Variants in NDUFAF5 observed in about 807,000 individuals in gnomAD.
NDUFAF5 encodes the protein arginine-hydroxylase NDUFAF5, mitochondrial.
Under a neutral mutation model 48.9 loss-of-function variants are expected in NDUFAF5, and 34 were observed. That is an observed-to-expected ratio of 0.70 (90% CI 0.53 to 0.93). The LOEUF (loss-of-function observed/expected upper bound fraction) is 0.93, where lower values mean the gene tolerates loss of function less well. Among genes scored for constraint, NDUFAF5 ranks in the 40% least tolerant of loss-of-function variants. The probability of loss-of-function intolerance (pLI) is 0.00; values close to 1 mark genes in which losing one functional copy is unlikely to be tolerated. For synonymous variants in NDUFAF5, 153 were observed against 150.6 expected (o/e 1.02, Z -0.12); for missense variants, 428 against 427.5 (o/e 1.00, Z -0.01).
chr20:13,793,333 TG>T, intron 4 of NDUFAF5, 106 bp downstream of exon 4: 1 of 1,007,444 alleles, frequency 9.9e-7, no homozygotes, highest in Admixed American at 1.9e-5. Context: ...TTCTGACACA[TG>T]AAAAGGAACT....
chr20:13,813,899 C>T (rs1408439483), intron 8 of NDUFAF5, among the ~76,000 whole-genome samples: 2 of 151,932 alleles, frequency 1.3e-5, no homozygotes, highest in Non-Finnish European at 2.9e-5. Flanking sequence ...TCAGAGGCTT[C>T]TAGATTTTTT....
In NDUFAF5 at chr20:13,785,310, G is replaced by T. The variant is rs774547573; in HGVS notation, c.222+20G>T. On this transcript the variant is annotated intron_variant, in intron 1 of 10. Transcript: ENST00000378106. ...GAGGAGGTGAGCCCGCGGGGCGGCG[G>T]GGCGGCGGGGCGGGCGACGCGGAGG... 6.3e-7 allele frequency: 1 copy of T among 1,575,114 alleles called. No individual in the cohort carries two copies. Among genetic ancestry groups the T allele is most frequent in the Non-Finnish European group, 8.7e-7 (1 of 1,155,772 alleles).
At chr20:13,792,838 C>T (rs74865649) in intron 3 of NDUFAF5, among the ~76,000 whole-genome samples, 1,823 of 152,198 alleles carry the variant, frequency 0.012, 42 homozygotes, top group African/African-American at 0.042. Flanking sequence ...GGATGAACAA[C>T]TAAAAGGCGG....
Position 13,785,169 on chromosome 20 carries a change from C to A in NDUFAF5, c.101C>A (p.Ser34Tyr), listed in dbSNP as rs2147464552. ...CGTAGGGAAGTCACCTCTGGTGTCT[C>A]TCCCCGCGGTAGCACCTCGCCCAGA... ...LGRREVTSGV[S>Y]PRGSTSPRTL... The change falls in exon 1 of 11, where the codon TCT (serine) becomes TAT (tyrosine). Residue 34 changes from serine (S) to tyrosine (Y), a missense_variant. By Grantham distance (144) the Ser-to-Tyr change is moderately radical. Transcript: ENST00000378106. The A allele has an allele frequency of 6.2e-7, 1 of 1,613,930 alleles. No homozygotes were observed. Among genetic ancestry groups the A allele is most frequent in the Non-Finnish European group, 8.5e-7 (1 of 1,179,942 alleles).
chr20:13,807,562 T>C (rs1292930156), intron 7 of NDUFAF5, among the ~76,000 whole-genome samples: 1 of 152,174 alleles, frequency 6.6e-6, no homozygotes, highest in Non-Finnish European at 1.5e-5. Flanking sequence ...ATCTACCTTA[T>C]TTTTTGAGAA....
At chr20:13,810,464 GTAGGT>G (rs1568779012) in intron 8 of NDUFAF5, among the ~76,000 whole-genome samples, 1 of 152,162 alleles carries the variant, frequency 6.6e-6, no homozygotes, top group African/African-American at 2.4e-5. Flanking sequence ...TAGAAGAGGA[GTAGGT>G]TGAGGAGTAA....
chr20:13,807,067 G>A (rs1274966112), intron 7 of NDUFAF5, among the ~76,000 whole-genome samples: 3 of 141,630 alleles, frequency 2.1e-5, no homozygotes, highest in East Asian at 2.1e-4. Flanking sequence ...TTTTTTTTGA[G>A]ATGGAGTCTT....
intron 7 of NDUFAF5, among the ~76,000 whole-genome samples, chr20:13,807,397 G>A (rs759594348): frequency 6.6e-6 from 1 of 151,914 alleles, no homozygotes; most frequent in Non-Finnish European, 1.5e-5. Context: ...TTTGTTAGCT[G>A]TGTCTTAGAC....
At chr20:13,803,577 A>G (rs1002672799) in intron 7 of NDUFAF5, among the ~76,000 whole-genome samples, 5 of 152,188 alleles carry the variant, frequency 3.3e-5, no homozygotes, top group African/African-American at 1.2e-4. Flanking sequence ...AGTTCTCAAA[A>G]TTTTGGTCTC....
At chr20:13,798,272 C>T (rs1983552460) in intron 5 of NDUFAF5, among the ~76,000 whole-genome samples, 189 bp from the exon 6 acceptor site, 1 of 152,174 alleles carries the variant, frequency 6.6e-6, no homozygotes, top group African/African-American at 2.4e-5. Flanking sequence ...TCTGGTGTGA[C>T]ACAAGGCAGG....
rs1251259982 is a variant in NDUFAF5, at chr20:13,817,462, T to C, written c.*252T>C. 6 of 599,416 alleles carry C rather than the reference T, an allele frequency of 1.0e-5. No homozygotes were observed. In the Admixed American group the frequency reaches 1.3e-4, roughly 13 times the overall value. 37.1% of individuals were successfully genotyped at this position (599,416 alleles called of 1,614,324 possible). A position where few individuals can be genotyped will look rare whatever the true frequency, so the allele number is the denominator to read the frequency against. On this transcript the variant is annotated 3_prime_UTR_variant, in exon 11 of 11. Coordinates refer to ENST00000378106, the MANE Select transcript of NDUFAF5 (RefSeq NM_024120.5). ...GCAAAGAAAATATTTCCCTAAAATA[T>C]TTGCAAATAATGTTCACATATGTAA...
chr20:13,812,080 G>A (rs1985939123), intron 8 of NDUFAF5, among the ~76,000 whole-genome samples: 1 of 152,200 alleles, frequency 6.6e-6, no homozygotes, highest in Non-Finnish European at 1.5e-5. Context: ...CTGTCAAGTG[G>A]CAGAATTAGC....
intron 3 of NDUFAF5, 105 bp from the exon 4 acceptor site, chr20:13,793,075 T>C: frequency 1.6e-6 from 2 of 1,278,340 alleles, no homozygotes; most frequent in Non-Finnish European, 1.1e-6. Context: ...AATATACCTT[T>C]ACAAAGCTGA....
chr20:13,806,895 T>C (rs1459711766), intron 7 of NDUFAF5, among the ~76,000 whole-genome samples: 1 of 152,200 alleles, frequency 6.6e-6, no homozygotes, highest in Non-Finnish European at 1.5e-5. Context: ...AAACGAAGTC[T>C]CCTCTTCCTG....
At chr20:13,789,722 C>T (rs994277226) in intron 3 of NDUFAF5, among the ~76,000 whole-genome samples, 5 of 151,038 alleles carry the variant, frequency 3.3e-5, no homozygotes, top group South Asian at 4.2e-4. Flanking sequence ...ATGATCTGTC[C>T]GCCTTGGCCT....
chr20:13,798,599 C>T (rs1305025777), intron 6 of NDUFAF5, 99 bp downstream of exon 6: 2 of 982,528 alleles, frequency 2.0e-6, no homozygotes, highest in African/African-American at 3.2e-5. Context: ...ACTTGTAGGT[C>T]TGACAGTTGG....
chr20:13,797,857 T>C (rs1983488335), intron 5 of NDUFAF5, among the ~76,000 whole-genome samples: 1 of 152,082 alleles, frequency 6.6e-6, no homozygotes, highest in African/African-American at 2.4e-5. Context: ...AATCTCTGGG[T>C]TTTCCTCTTA....
intron 8 of NDUFAF5, among the ~76,000 whole-genome samples, chr20:13,812,624 T>C (rs1986012247): frequency 6.6e-6 from 1 of 152,226 alleles, no homozygotes; most frequent in Non-Finnish European, 1.5e-5. Context: ...CTTAACTCTG[T>C]GCTTAGTGCA....
chr20:13,794,158 C>T (rs1320701169), intron 4 of NDUFAF5, among the ~76,000 whole-genome samples: 1 of 152,032 alleles, frequency 6.6e-6, no homozygotes, highest in African/African-American at 2.4e-5. Context: ...TCAGTCTTTT[C>T]CTTTACAGTT....
Sources: gnomAD v4.1 joint callset for allele counts (sites outside exome capture counted in the v4.1 genomes callset) on GRCh38, gnomAD v4.1.1 for gene constraint, MANE v1.5 for transcripts, NCBI Gene and HGNC (gene_info 2026-07-23, HGNC 2026-07-21) for gene names.